The following CRTAC1 variants were observed in gnomAD, a reference collection of about 807,000 sequenced individuals.
The protein encoded by CRTAC1 is acidic secreted protein in cartilage.
Under a neutral mutation model 67.8 loss-of-function variants are expected in CRTAC1, and 37 were observed. The ratio of observed to expected loss-of-function variants is 0.55; its 90% CI spans 0.42 to 0.72. The LOEUF (loss-of-function observed/expected upper bound fraction) is 0.72. Among genes scored for constraint, CRTAC1 ranks in the 30% least tolerant of loss-of-function variants. The pLI is 0.00. For synonymous variants in CRTAC1, 348 were observed against 371.0 expected, an observed-to-expected ratio of 0.94 and a Z score of 0.71; for missense variants, 780 against 931.6, an observed-to-expected ratio of 0.84 and a Z score of 2.12.
At chr10:97,927,316 G>A (rs370429255) in intron 3 of CRTAC1, among the ~76,000 whole-genome samples, 2 of 152,172 alleles carry the variant, frequency 1.3e-5, no homozygotes, top group East Asian at 1.9e-4. Context: ...GGGAAAGAAC[G>A]CACACTCACC....
At chr10:97,931,237 C>G (rs757411694) in intron 3 of CRTAC1, among the ~76,000 whole-genome samples, 1 of 152,156 alleles carries the variant, frequency 6.6e-6, no homozygotes, top group Non-Finnish European at 1.5e-5. Context: ...CATATTTGGT[C>G]GACACGAACT....
intron 7 of CRTAC1, among the ~76,000 whole-genome samples, chr10:97,902,116 T>G (rs1268689571): frequency 1.3e-5 from 2 of 152,216 alleles, no homozygotes; most frequent in Admixed American, 1.3e-4. Context: ...ACCGGAAATC[T>G]CTGTGCATCT....
chr10:97,990,434 C>T (rs1842421540), intron 2 of CRTAC1, among the ~76,000 whole-genome samples: 1 of 152,202 alleles, frequency 6.6e-6, no homozygotes, highest in South Asian at 2.1e-4. Context: ...TATATCACCT[C>T]TTGATTATCC....
At chr10:97,870,081 G>A (rs1353120573) in intron 14 of CRTAC1, 1 of 152,194 alleles carries the variant, frequency 6.6e-6, no homozygotes, top group Non-Finnish European at 1.5e-5. Context: ...GACCCGAGGC[G>A]TTCAACCTTG....
intron 2 of CRTAC1, among the ~76,000 whole-genome samples, chr10:97,979,941 C>T (rs377353080): frequency 6.6e-6 from 1 of 152,272 alleles, no homozygotes; most frequent in East Asian, 1.9e-4. Flanking sequence ...TTCCCCAGAT[C>T]GCTCAGTCAG....
intron 2 of CRTAC1, among the ~76,000 whole-genome samples, chr10:97,952,869 T>C (rs997942277): frequency 6.6e-6 from 1 of 152,238 alleles, no homozygotes; most frequent in African/African-American, 2.4e-5. Flanking sequence ...TATTATTGAT[T>C]AATTCACAAT....
intron 2 of CRTAC1, among the ~76,000 whole-genome samples, chr10:97,950,313 G>A (rs538347324): frequency 2.6e-5 from 4 of 151,340 alleles, no homozygotes; most frequent in Admixed American, 1.3e-4. Context: ...CTGTAGCAGA[G>A]GCAGCTGCCT....
chr10:97,962,129 G>T (rs1008853798), intron 2 of CRTAC1, among the ~76,000 whole-genome samples: 11 of 152,032 alleles, frequency 7.2e-5, no homozygotes, highest in African/African-American at 2.7e-4. Context: ...TTCTTCATCC[G>T]GTGCCTGTCT....
rs1162532017 is a variant in CRTAC1 at position 98,029,903 on chromosome 10, C to T, written c.24+546G>A. Among the ~76,000 whole-genome samples the T allele has an allele frequency of 1.3e-5, 2 of 152,004 alleles. No individual in the cohort carries two copies. The highest frequency in any genetic ancestry group is 2.9e-5 in the Non-Finnish European group (2 of 67,962). On this transcript the variant is annotated intron_variant, in intron 1 of 14. Coordinates refer to ENST00000370597, the MANE Select transcript of CRTAC1 (RefSeq NM_018058.7). This position sits in a 1 kb window ranked among gnomAD's most constrained non-coding sequence, Gnocchi z 4.7. ...GCAGCTACGCCGCGCGCGGGGCTGG[C>T]TCCCGGAGCTCTCTGCCACCCAGCG...
intron 2 of CRTAC1, among the ~76,000 whole-genome samples, chr10:97,997,226 AAAGTAT>A (rs1842597090): frequency 8.0e-6 from 1 of 125,358 alleles, no homozygotes; most frequent in Admixed American, 7.9e-5. Context: ...CCTAAAACTT[AAAGTAT>A]AATAATAATA....
intron 2 of CRTAC1, among the ~76,000 whole-genome samples, chr10:98,007,019 G>T (rs1842803445): frequency 6.6e-6 from 1 of 152,208 alleles, no homozygotes; most frequent in African/African-American, 2.4e-5. Context: ...AGTCCACATA[G>T]GATGAAAGGC....
chr10:97,944,563 A>G (rs527729468), intron 2 of CRTAC1, among the ~76,000 whole-genome samples: 1 of 152,332 alleles, frequency 6.6e-6, no homozygotes, highest in East Asian at 1.9e-4. Flanking sequence ...GTTGTGGTAG[A>G]TGGTCTCTAA....
At chr10:97,868,076 C>T (rs751941278) in intron 14 of CRTAC1, 1 of 152,260 alleles carries the variant, frequency 6.6e-6, no homozygotes. Context: ...ACAGGTCACT[C>T]AGTACTGAAG....
At chr10:97,910,438 T>G (rs1456667670) in intron 5 of CRTAC1, among the ~76,000 whole-genome samples, 1 of 152,220 alleles carries the variant, frequency 6.6e-6, no homozygotes, top group African/African-American at 2.4e-5. Context: ...AATCAGAACC[T>G]GCATTCTAAC....
intron 1 of CRTAC1, among the ~76,000 whole-genome samples, chr10:98,013,684 TG>T (rs202204086): frequency 1.7e-4 from 26 of 152,242 alleles, no homozygotes; most frequent in African/African-American, 5.8e-4. Flanking sequence ...TAAAAGATTT[TG>T]TTTTTTGGAT....
intron 2 of CRTAC1, among the ~76,000 whole-genome samples, chr10:97,991,675 G>C (rs999926506): frequency 6.6e-6 from 1 of 152,102 alleles, no homozygotes; most frequent in East Asian, 1.9e-4. Flanking sequence ...CACAATGGTA[G>C]GAAGTACTAT....
At chr10:97,965,532 T>TTTTC (rs543237131) in intron 2 of CRTAC1, among the ~76,000 whole-genome samples, 1 of 152,264 alleles carries the variant, frequency 6.6e-6, no homozygotes, top group South Asian at 2.1e-4. Context: ...ACCCTTTGCT[T>TTTTC]TTTCTTTCTT....
intron 4 of CRTAC1, among the ~76,000 whole-genome samples, chr10:97,921,730 C>T (rs1203675310): frequency 2.6e-5 from 4 of 152,146 alleles, no homozygotes; most frequent in Non-Finnish European, 4.4e-5. Flanking sequence ...CCTCAGGCCC[C>T]AGGGATGGCC....
chr10:97,978,270 C>T (rs1025926919), intron 2 of CRTAC1, among the ~76,000 whole-genome samples: 2 of 152,128 alleles, frequency 1.3e-5, no homozygotes, highest in Non-Finnish European at 2.9e-5. Flanking sequence ...ACAAGGTCTC[C>T]GGTGACTTGT....
Sources: gnomAD v4.1 joint callset for allele counts (sites outside exome capture counted in the v4.1 genomes callset) on GRCh38, gnomAD v4.1.1 for gene constraint, Gnocchi (gnomAD v3.1) non-coding constraint, MANE v1.5 for transcripts, NCBI Gene and HGNC (gene_info 2026-07-23, HGNC 2026-07-21) for gene names.